THADA: variants seen among roughly 807,000 people sequenced by gnomAD.
The protein encoded by THADA is tRNA (32-2'-O)-methyltransferase regulator THADA.
A neutral mutation model predicts 219.8 loss-of-function variants in THADA; 213 were observed. The ratio of observed to expected loss-of-function variants is 0.97; its 90% CI spans 0.87 to 1.09. THADA has a LOEUF of 1.09. Ranked by LOEUF, THADA falls within the 50% of genes least tolerant of loss-of-function variation. The pLI is 0.00. For missense variants in THADA, 2,956 were observed against 2,311.3 expected (o/e 1.28, Z -5.72); for synonymous variants, 1,018 against 828.9 (o/e 1.23, Z -3.92).
chr2:43,479,388 G>A (rs911677685), intron 26 of THADA, among the ~76,000 whole-genome samples: 4 of 152,088 alleles, frequency 2.6e-5, no homozygotes, highest in African/African-American at 9.7e-5. Context: ...TCTGCAAAAT[G>A]AGAATGAGAC....
At chr2:43,311,507 C>T (rs549875472) in intron 31 of THADA, among the ~76,000 whole-genome samples, 12 of 152,318 alleles carry the variant, frequency 7.9e-5, no homozygotes, top group Non-Finnish European at 1.3e-4. Context: ...AGACATTCCA[C>T]TTCTAGGTAA....
intron 26 of THADA, among the ~76,000 whole-genome samples, chr2:43,480,829 A>G (rs908535216): frequency 1.3e-5 from 2 of 151,760 alleles, no homozygotes; most frequent in Non-Finnish European, 2.9e-5. Context: ...GGGGGGAAAA[A>G]AAAAAAAAAG....
At chr2:43,550,515 T>A (rs11903287) in intron 19 of THADA, among the ~76,000 whole-genome samples, 50,343 of 151,908 alleles carry the variant, frequency 0.33, 8,707 homozygotes, top group African/African-American at 0.41. Flanking sequence ...ACTTTCCTCA[T>A]GCAATTCAGA....
chr2:43,557,064 T>C (rs1873556), intron 16 of THADA, among the ~76,000 whole-genome samples: 55,903 of 151,814 alleles, frequency 0.37, 10,798 homozygotes, highest in African/African-American at 0.48. Flanking sequence ...GCCTAGGCAA[T>C]AGAGTGAGAC....
At chr2:43,480,825 A>C (rs764533786) in intron 26 of THADA, among the ~76,000 whole-genome samples, 1 of 129,488 alleles carries the variant, frequency 7.7e-6, no homozygotes, top group Non-Finnish European at 1.7e-5. Context: ...CTTGGGGGGG[A>C]AAAAAAAAAA....
rs766962838 is a variant in THADA, at chr2:43,279,773, T to C, written c.5288A>G (p.Gln1763Arg). 6.5e-7 allele frequency: 1 copy of C among 1,549,076 alleles called. No homozygotes were observed. The highest frequency in any genetic ancestry group is 8.7e-7 in the Non-Finnish European group (1 of 1,146,172). ...TTAMSQENTC[Q>R]STEFAFCQVD... ...GGATAAGAACGAGGTACCTGTTGACTGGCAGGTATTTTCTTGTGACATGGC... is the reference window on the plus strand; with the variant it reads ...GGATAAGAACGAGGTACCTGTTGACCGGCAGGTATTTTCTTGTGACATGGC... The change falls in exon 36 of 38, where the codon CAG becomes CGG. Residue 1763 changes from glutamine to arginine, a missense_variant. Coordinates refer to ENST00000405975, the MANE Select transcript of THADA (RefSeq NM_022065.5).
intron 31 of THADA, among the ~76,000 whole-genome samples, chr2:43,295,550 C>T (rs1189369621): frequency 6.6e-6 from 1 of 152,150 alleles, no homozygotes; most frequent in African/African-American, 2.4e-5. Flanking sequence ...GACAACTGTA[C>T]CCAAGATGTT....
intron 28 of THADA, among the ~76,000 whole-genome samples, chr2:43,403,527 G>A (rs1056994263): frequency 4.6e-5 from 7 of 152,130 alleles, no homozygotes; most frequent in Non-Finnish European, 1.0e-4. Context: ...GCATGTCACA[G>A]GAACCAGAGG....
rs78314002 is a variant in THADA at position 43,355,953 on chromosome 2, G to C, written c.4228-11716C>G. 7.0e-3 allele frequency among the ~76,000 whole-genome samples: 1,063 copies of C among 152,250 alleles called. 12 individuals are homozygous for C. The highest frequency in any genetic ancestry group is 0.024 in the African/African-American group (1,000 of 41,556). ...TGAAAAAGATTTAGTGAGGGAGGAAGAATGGAAAGATAAAATAGCTTAGTG... is the reference window on the plus strand; with the variant it reads ...TGAAAAAGATTTAGTGAGGGAGGAACAATGGAAAGATAAAATAGCTTAGTG... On this transcript the variant is annotated intron_variant, in intron 29 of 37. Coordinates refer to ENST00000405975, the MANE Select transcript of THADA (RefSeq NM_022065.5).
intron 29 of THADA, among the ~76,000 whole-genome samples, chr2:43,389,537 T>C (rs1673098312): frequency 6.6e-6 from 1 of 152,184 alleles, no homozygotes; most frequent in South Asian, 2.1e-4. Context: ...TATTATTGTC[T>C]TGCAAACCCC....
intron 31 of THADA, among the ~76,000 whole-genome samples, chr2:43,297,348 GC>G (rs1308714142): frequency 1.1e-5 from 1 of 90,604 alleles, no homozygotes; most frequent in Non-Finnish European, 2.0e-5. Flanking sequence ...CCCGGCAGCT[GC>G]CCCGTCTGAG....
chr2:43,539,200 C>T (rs970554839), intron 21 of THADA, among the ~76,000 whole-genome samples: 1 of 152,206 alleles, frequency 6.6e-6, no homozygotes, highest in Non-Finnish European at 1.5e-5. Flanking sequence ...GTCACATTCA[C>T]CTAAGGCTTG....
At chr2:43,372,409 C>G (rs923079122) in intron 29 of THADA, among the ~76,000 whole-genome samples, 1 of 152,086 alleles carries the variant, frequency 6.6e-6, no homozygotes, top group African/African-American at 2.4e-5. Flanking sequence ...TAAAACAAAA[C>G]CCTAAAATAG....
At chr2:43,416,438 T>G (rs1364005116) in intron 28 of THADA, among the ~76,000 whole-genome samples, 4 of 152,222 alleles carry the variant, frequency 2.6e-5, no homozygotes, top group Non-Finnish European at 5.9e-5. Context: ...CAAATATATA[T>G]TTTGTTAATG....
At chr2:43,441,282 T>A (rs1286471849) in intron 26 of THADA, among the ~76,000 whole-genome samples, 2 of 152,176 alleles carry the variant, frequency 1.3e-5, no homozygotes, top group Admixed American at 6.5e-5. Context: ...CTATTTCTGG[T>A]TTAGTTCAGC....
chr2:43,280,828 C>T (rs974299149), intron 35 of THADA, among the ~76,000 whole-genome samples: 2 of 152,282 alleles, frequency 1.3e-5, no homozygotes, highest in East Asian at 3.9e-4. Flanking sequence ...AGTATCTTGT[C>T]CTGAGCAATC....
chr2:43,325,914 C>T (rs751597811), intron 30 of THADA, among the ~76,000 whole-genome samples: 1 of 152,092 alleles, frequency 6.6e-6, no homozygotes, highest in Non-Finnish European at 1.5e-5. Context: ...CTACATTATA[C>T]TGAATGGCAT....
chr2:43,276,242 G>A (rs138636895), intron 36 of THADA, among the ~76,000 whole-genome samples: 1 of 152,168 alleles, frequency 6.6e-6, no homozygotes, highest in Non-Finnish European at 1.5e-5. Context: ...GGGCAGAGAG[G>A]GTCCTGCAGC....
chr2:43,279,240 C>T (rs1490425640), intron 36 of THADA, among the ~76,000 whole-genome samples: 1 of 152,196 alleles, frequency 6.6e-6, no homozygotes, highest in Non-Finnish European at 1.5e-5. Context: ...CTTCTTTCCA[C>T]TCCCCTCCTC....
Sources: allele counts gnomAD v4.1 joint callset (sites outside exome capture counted in the v4.1 genomes callset), GRCh38; gene constraint gnomAD v4.1.1; transcripts MANE v1.5; gene names NCBI Gene and HGNC (gene_info 2026-07-23, HGNC 2026-07-21).